LRRC49: variants seen among roughly 807,000 people sequenced by gnomAD.
The protein encoded by LRRC49 is leucine-rich repeat-containing protein 49.
Under a neutral mutation model 83.3 loss-of-function variants are expected in LRRC49, and 50 were observed. The observed-to-expected ratio is 0.60, with a 90% CI of 0.48 to 0.76. The LOEUF is 0.76. Among genes scored for constraint, LRRC49 ranks in the 30% least tolerant of loss-of-function variants. The probability of loss-of-function intolerance (pLI) is 0.00; values close to 1 mark genes in which losing one functional copy is unlikely to be tolerated. For missense variants in LRRC49, 704 were observed against 809.1 expected, an observed-to-expected ratio of 0.87 and a Z score of 1.58; for synonymous variants, 286 against 283.3, an observed-to-expected ratio of 1.01 and a Z score of -0.10.
chr15:70,995,365 T>C (rs2038039822), intron 11 of LRRC49, among the ~76,000 whole-genome samples: 1 of 152,184 alleles, frequency 6.6e-6, no homozygotes, highest in Admixed American at 6.5e-5. Context: ...GGTTAAATAT[T>C]TTAGAGGTAG....
At chr15:70,921,884 G>C (rs2035019677) in intron 7 of LRRC49, among the ~76,000 whole-genome samples, 1 of 151,808 alleles carries the variant, frequency 6.6e-6, no homozygotes, top group African/African-American at 2.4e-5. Context: ...TGATGTTTTT[G>C]ATGTAGAAAA....
At chr15:70,949,140 A>C (rs532338870) in intron 8 of LRRC49, among the ~76,000 whole-genome samples, 1 of 152,194 alleles carries the variant, frequency 6.6e-6, no homozygotes, top group African/African-American at 2.4e-5. Context: ...GGGCCATACA[A>C]AAACAGGTGA....
chr15:71,042,768 A>C (rs1473615000), intron 15 of LRRC49, among the ~76,000 whole-genome samples: 1 of 152,178 alleles, frequency 6.6e-6, no homozygotes, highest in East Asian at 1.9e-4. Context: ...TCATCTAAAA[A>C]AGATTTAAGA....
chr15:70,900,684 C>T, intron 3 of LRRC49: 2 of 472,746 alleles, frequency 4.2e-6, no homozygotes, highest in South Asian at 1.9e-5. Flanking sequence ...TCTGTACTTT[C>T]AACCAATCTG....
At chr15:70,949,114 G>T in intron 8 of LRRC49, among the ~76,000 whole-genome samples, 1 of 152,210 alleles carries the variant, frequency 6.6e-6, no homozygotes, top group African/African-American at 2.4e-5. Flanking sequence ...AAACATAGAG[G>T]CCATTATTAA....
chr15:71,047,541 A>C (rs1174626914), intron 15 of LRRC49, among the ~76,000 whole-genome samples: 2 of 152,138 alleles, frequency 1.3e-5, no homozygotes, highest in Admixed American at 1.3e-4. Flanking sequence ...TTATATCCTG[A>C]AGTTTTACTA....
intron 1 of LRRC49, among the ~76,000 whole-genome samples, chr15:70,868,618 G>C (rs936927585): frequency 6.6e-6 from 1 of 152,256 alleles, no homozygotes; most frequent in African/African-American, 2.4e-5. Context: ...GTCTAGGGTA[G>C]AGCCTGAGAA....
intron 7 of LRRC49, among the ~76,000 whole-genome samples, chr15:70,921,548 G>A (rs1254564544): frequency 2.0e-5 from 3 of 152,180 alleles, no homozygotes; most frequent in Admixed American, 6.5e-5. Flanking sequence ...ACAGTTCACC[G>A]TAGTCCATGC....
chr15:70,901,087 C>A, intron 4 of LRRC49, 63 bp downstream of exon 4: 1 of 906,564 alleles, frequency 1.1e-6, no homozygotes, highest in South Asian at 1.6e-5. Flanking sequence ...TGGTACAAGA[C>A]TTGAAAGATG....
At chr15:70,904,517 T>C in intron 4 of LRRC49, 35 bp from the exon 5 acceptor site, 1 of 1,418,082 alleles carries the variant, frequency 7.1e-7, no homozygotes. Flanking sequence ...AGTGGCTGAA[T>C]CATAACCTAA....
chr15:70,878,327 C>A (rs1352355092), intron 2 of LRRC49, among the ~76,000 whole-genome samples: 1 of 152,050 alleles, frequency 6.6e-6, no homozygotes, highest in African/African-American at 2.4e-5. Flanking sequence ...TAATAGATTT[C>A]TTAGGAGGTT....
chr15:70,940,917 G>A (rs1183861645), intron 8 of LRRC49, among the ~76,000 whole-genome samples: 1 of 152,170 alleles, frequency 6.6e-6, no homozygotes, highest in African/African-American at 2.4e-5. Context: ...TGGTTGACAC[G>A]TGATTCGCCT....
intron 1 of LRRC49, among the ~76,000 whole-genome samples, chr15:70,871,335 T>TCTC (rs1308970594): frequency 6.6e-6 from 1 of 151,456 alleles, no homozygotes; most frequent in Non-Finnish European, 1.5e-5. Context: ...CAAAATGGAG[T>TCTC]CTCCCATGTC....
At chr15:70,893,454 T>G in intron 1 of LRRC49, 130 bp from the exon 2 acceptor site, 1 of 666,270 alleles carries the variant, frequency 1.5e-6, no homozygotes, top group East Asian at 2.8e-5. Context: ...AACAAGATCA[T>G]TTACCAGAAA....
intron 2 of LRRC49, chr15:70,873,233 C>T: frequency 1.3e-6 from 2 of 1,536,014 alleles, no homozygotes; most frequent in Non-Finnish European, 1.7e-6. Flanking sequence ...GGTAAGTCTA[C>T]ACTTTCAGTT....
chr15:71,023,253 G>A (rs921961119), intron 14 of LRRC49, among the ~76,000 whole-genome samples: 3 of 152,130 alleles, frequency 2.0e-5, no homozygotes, highest in Admixed American at 2.0e-4. Flanking sequence ...CAAAAGAGCA[G>A]CAAAATAATC....
chr15:70,858,553 G>A lies in LRRC49; in HGVS notation c.-299+5084G>A, dbSNP rs146997617. Among the ~76,000 whole-genome samples the A allele has an allele frequency of 6.8e-4, 103 of 152,328 alleles. 1 individual carries two copies. Among genetic ancestry groups the A allele is most frequent in the African/African-American group, 2.2e-3 (91 of 41,578 alleles). On this transcript the variant is annotated intron_variant, in intron 1 of 16. Transcript: ENST00000544974. ...CGGGACGTGGAGGTTGCAGTGAGCC[G>A]AGATTGTGCCATTGCACTCCTGCCT...
chr15:71,005,274 T>C (rs1292522385), intron 11 of LRRC49, among the ~76,000 whole-genome samples: 2 of 152,098 alleles, frequency 1.3e-5, no homozygotes, highest in African/African-American at 2.4e-5. Flanking sequence ...ACTTTTCCCC[T>C]CTGGAAGAAT....
In LRRC49 at chr15:70,904,641, A is replaced by G; in HGVS notation, c.386A>G (p.Asn129Ser). The G allele has an allele frequency of 1.2e-6, 2 of 1,613,462 alleles. No homozygotes were observed. The highest frequency in any genetic ancestry group is 1.7e-6 in the Non-Finnish European group (2 of 1,179,420). Residue 129 changes from asparagine (N) to serine (S), a missense_variant, in exon 5 of 16, where the codon AAT (asparagine) becomes AGT (serine). Coordinates refer to ENST00000260382, the MANE Select transcript of LRRC49 (RefSeq NM_017691.5). ...CACAATTTTATAACTCGGATACAAA[A>G]TATTTCTAATCTACAGAAGTTAATA... Reference protein sequence around the residue: ...FQHNFITRIQNISNLQKLISL... With the variant: ...FQHNFITRIQSISNLQKLISL...
Sources: allele counts gnomAD v4.1 joint callset (sites outside exome capture counted in the v4.1 genomes callset), GRCh38; gene constraint gnomAD v4.1.1; transcripts MANE v1.5; gene names NCBI Gene and HGNC (gene_info 2026-07-23, HGNC 2026-07-21).